ARHGAP18: variants seen among roughly 807,000 people sequenced by gnomAD.
ARHGAP18 encodes the protein Rho GTPase activating protein 18.
In ARHGAP18, 67 loss-of-function variants were observed where a neutral mutation model predicts 86.2. The observed-to-expected ratio is 0.78, with a 90% CI of 0.64 to 0.95. The LOEUF (loss-of-function observed/expected upper bound fraction) is 0.95. Among genes scored for constraint, ARHGAP18 ranks in the 40% least tolerant of loss-of-function variants. The probability of loss-of-function intolerance (pLI) is 0.00; values close to 1 mark genes in which losing one functional copy is unlikely to be tolerated. For missense variants in ARHGAP18, 691 were observed against 780.4 expected (o/e 0.89, Z 1.37); for synonymous variants, 283 against 280.4 (o/e 1.01, Z -0.09).
At chr6:129,622,746 A>G (rs1041942828) in intron 5 of ARHGAP18, among the ~76,000 whole-genome samples, 2 of 152,108 alleles carry the variant, frequency 1.3e-5, no homozygotes, top group African/African-American at 4.8e-5. Flanking sequence ...CACACCTGTA[A>G]TCCCAGCAAT....
At chr6:129,627,750 C>G (rs905327672) in intron 5 of ARHGAP18, among the ~76,000 whole-genome samples, 1 of 151,944 alleles carries the variant, frequency 6.6e-6, no homozygotes, top group African/African-American at 2.4e-5. Context: ...AATTGCAATA[C>G]AACACATGAC....
rs757033582 is a variant in ARHGAP18, at chr6:129,607,985, T to C, written c.1190A>G (p.His397Arg). The C allele has an allele frequency of 3.1e-6, 5 of 1,611,954 alleles. No homozygotes were observed. The highest frequency in any genetic ancestry group is 4.2e-6 in the Non-Finnish European group (5 of 1,179,718). The stretch of plus-strand genomic sequence containing the variant: ...GAGCTTCAGCAGGCTGGCGGCATCA[T>C]GCTGTTTGACACTTTCCCAATTAAA... ...GTFNWESVKQ[H>R]DAASLLKLFI... The change falls in exon 9 of 15, where the codon CAT becomes CGT. Residue 397 changes from histidine to arginine, a missense_variant. His to Arg is a conservative substitution (Grantham distance 29). Transcript: ENST00000368149.
chr6:129,694,264 G>A (rs117901882), intron 1 of ARHGAP18, among the ~76,000 whole-genome samples: 3,768 of 152,258 alleles, frequency 0.025, 109 homozygotes, highest in Admixed American at 0.069. Flanking sequence ...TGGCACATTG[G>A]TAAAGACCCT....
chr6:129,583,917 A>C lies in ARHGAP18; in HGVS notation c.1838+71T>G. ...AAAAAAAAAAAAAGGAAGAAGAAGCAGCAGCGAAGGCGAGAGAGAGAGAGC... is the reference window on the plus strand; with the variant it reads ...AAAAAAAAAAAAAGGAAGAAGAAGCCGCAGCGAAGGCGAGAGAGAGAGAGC... On this transcript the variant is annotated intron_variant, in intron 13 of 14. Transcript: ENST00000368149. 3 of 1,528,440 alleles carry C rather than the reference A, an allele frequency of 2.0e-6. No individual in the cohort carries two copies. In the South Asian group the frequency reaches 3.8e-5, roughly 19 times the overall value. The allele number at this position is 1,528,440 out of a possible 1,614,324, so 94.7% of individuals were successfully genotyped here. A position where few individuals can be genotyped will look rare whatever the true frequency, so the allele number is the denominator to read the frequency against.
Position 129,583,988 on chromosome 6 carries a change from C to G in ARHGAP18, c.1838G>C (p.Ser613Thr). 1 of 1,613,012 alleles carries G rather than the reference C, an allele frequency of 6.2e-7. No homozygotes were observed. The highest frequency in any genetic ancestry group is 8.5e-7 in the Non-Finnish European group (1 of 1,179,322). The change falls in exon 13 of 15, where the codon AGT (serine) becomes ACT (threonine). Residue 613 changes from serine to threonine, a missense_variant and splice_region_variant. Coordinates refer to ENST00000368149, the MANE Select transcript of ARHGAP18 (RefSeq NM_033515.3). ...TAATTAACACAAAACAGGCCTCTAC[C>G]TTTCTTGGCTGAGAAACCTGGCAAG... ...DVLARFLSQE[S>T]GVAQTLKKGE...
Position 129,605,868 on chromosome 6 carries a change from C to T in ARHGAP18, c.1365+9G>A, listed in dbSNP as rs750958692. Reference sequence around the variant, plus strand: ...TAAGGGATATTTAATGTAAATTAACCAAGCTGACCTTCAGTGTGTCCCTGT... The same window carrying T: ...TAAGGGATATTTAATGTAAATTAACTAAGCTGACCTTCAGTGTGTCCCTGT... On this transcript the variant is annotated intron_variant, in intron 10 of 14. Transcript: ENST00000368149. 2.5e-6 allele frequency: 4 copies of T among 1,610,646 alleles called. No homozygotes were observed. Among genetic ancestry groups the T allele is most frequent in the South Asian group, 1.1e-5 (1 of 90,988 alleles).
chr6:129,651,230 T>C (rs1378506985), intron 1 of ARHGAP18, among the ~76,000 whole-genome samples: 1 of 152,114 alleles, frequency 6.6e-6, no homozygotes, highest in Non-Finnish European at 1.5e-5. Context: ...CTAAAATTAA[T>C]AAGGTAAATG....
intron 8 of ARHGAP18, among the ~76,000 whole-genome samples, chr6:129,609,570 G>C (rs1343486625): frequency 6.6e-6 from 1 of 152,118 alleles, no homozygotes; most frequent in Non-Finnish European, 1.5e-5. Context: ...ATGAAGTTAT[G>C]TTTGTTACCT....
At chr6:129,686,978 CTTTT>C (rs71028176) in intron 1 of ARHGAP18, among the ~76,000 whole-genome samples, 16,602 of 107,076 alleles carry the variant, frequency 0.16, 1,229 homozygotes, top group African/African-American at 0.26. Flanking sequence ...TTTTTTTTTT[CTTTT>C]TTTTTTTTTT....
At chr6:129,670,024 A>G (rs1053006762) in intron 1 of ARHGAP18, among the ~76,000 whole-genome samples, 1 of 152,200 alleles carries the variant, frequency 6.6e-6, no homozygotes, top group African/African-American at 2.4e-5. Context: ...AAATTACATC[A>G]ACTTTGTATC....
intron 8 of ARHGAP18, among the ~76,000 whole-genome samples, chr6:129,608,743 A>C (rs74748306): frequency 1.3e-5 from 2 of 152,116 alleles, no homozygotes; most frequent in Non-Finnish European, 2.9e-5. Context: ...TATTTTTTGT[A>C]TACTTCTTTA....
rs574979073 is a variant in ARHGAP18 at position 129,576,922 on chromosome 6, A to G, written c.*1591T>C. On this transcript the variant is annotated 3_prime_UTR_variant, in exon 15 of 15. Coordinates refer to ENST00000368149, the MANE Select transcript of ARHGAP18 (RefSeq NM_033515.3). The stretch of plus-strand genomic sequence containing the variant: ...AAAAATTTGTAAAAGGAAAAAAACT[A>G]AAGACGAAAACATATTTACATCTCT... 3.3e-5 allele frequency: 5 copies of G among 152,280 alleles called. No individual in the cohort carries two copies. Among genetic ancestry groups the G allele is most frequent in the African/African-American group, 9.6e-5 (4 of 41,586 alleles). 9.4% of individuals were successfully genotyped at this position (152,280 alleles called of 1,614,324 possible).
intron 1 of ARHGAP18, among the ~76,000 whole-genome samples, chr6:129,686,754 G>A (rs935229179): frequency 9.4e-5 from 14 of 149,316 alleles, no homozygotes; most frequent in South Asian, 6.4e-4. Flanking sequence ...GAGTCATCCC[G>A]TCATCTTTCA....
At chr6:129,632,042 G>A (rs947940145) in intron 4 of ARHGAP18, among the ~76,000 whole-genome samples, 1 of 152,124 alleles carries the variant, frequency 6.6e-6, no homozygotes, top group African/African-American at 2.4e-5. Context: ...ACTCAAGTGT[G>A]GGGAAAACAT....
intron 8 of ARHGAP18, among the ~76,000 whole-genome samples, chr6:129,610,730 C>A (rs1034427279): frequency 6.6e-6 from 1 of 152,000 alleles, no homozygotes; most frequent in African/African-American, 2.4e-5. Context: ...CAGGTTCAAG[C>A]GATTCTCCTG....
intron 10 of ARHGAP18, among the ~76,000 whole-genome samples, chr6:129,602,285 G>A (rs886100427): frequency 1.3e-5 from 2 of 152,122 alleles, no homozygotes; most frequent in Non-Finnish European, 2.9e-5. Context: ...AATGTTTGGA[G>A]AATGTAAGTA....
At chr6:129,706,817 C>T (rs1396978834) in intron 1 of ARHGAP18, among the ~76,000 whole-genome samples, 3 of 136,732 alleles carry the variant, frequency 2.2e-5, no homozygotes, top group Non-Finnish European at 4.5e-5. Context: ...AGCCTGGAGA[C>T]GGAGGTTGCA....
At position 129,586,311 on chromosome 6, in the gene ARHGAP18, C is replaced by G. The variant is rs573521460; in HGVS notation, c.1714-2199G>C. 3.3e-5 allele frequency among the ~76,000 whole-genome samples: 5 copies of G among 152,266 alleles called. No homozygotes were observed. In the East Asian group the frequency reaches 9.6e-4, roughly 29 times the overall value. ...GCACTGAGACTGTGCTCATAAAACC[C>G]TAATCCACCTTGTCTACTCAGTAAG... On this transcript the variant is annotated intron_variant, in intron 12 of 14. Transcript: ENST00000368149.
chr6:129,611,708 T>C, intron 7 of ARHGAP18, 98 bp from the exon 8 acceptor site: 2 of 991,020 alleles, frequency 2.0e-6, no homozygotes, highest in Non-Finnish European at 3.1e-6. Context: ...CTGATTACAA[T>C]GACATGTAAA....
Sources: gnomAD v4.1 joint callset for allele counts (sites outside exome capture counted in the v4.1 genomes callset) on GRCh38, gnomAD v4.1.1 for gene constraint, MANE v1.5 for transcripts, NCBI Gene and HGNC (gene_info 2026-07-23, HGNC 2026-07-21) for gene names.